The following NBPF15 variants were observed in gnomAD, a reference collection of about 807,000 sequenced individuals.
The protein encoded by NBPF15 is NBPF family member NBPF15.
In NBPF15, 74 loss-of-function variants were observed where a neutral mutation model predicts 62.2. The ratio of observed to expected loss-of-function variants is 1.19; its 90% CI spans 0.99 to 1.44. The LOEUF (loss-of-function observed/expected upper bound fraction) is 1.44, where lower values mean the gene tolerates loss of function less well. Among genes scored for constraint, NBPF15 ranks in the 40% most tolerant of loss-of-function variants. The pLI, the probability that NBPF15 is intolerant of heterozygous loss-of-function variation, is 0.00. For missense variants in NBPF15, 790 were observed against 550.0 expected (o/e 1.44, Z -4.36); for synonymous variants, 244 against 209.7 (o/e 1.16, Z -1.41).
In NBPF15 at chr1:144,461,429, A is replaced by G. The variant is rs1386835651; in HGVS notation, c.-986T>C. ...CCTTCACCTCGGAAACGCTGGGTGGACTTCGCTGTAAACCGTAACTTCCCA... is the reference window on the plus strand; with the variant it reads ...CCTTCACCTCGGAAACGCTGGGTGGGCTTCGCTGTAAACCGTAACTTCCCA... On this transcript the variant is annotated 5_prime_UTR_variant, in exon 1 of 22. Coordinates refer to ENST00000581897, the MANE Select transcript of NBPF15 (RefSeq NM_001385408.1). The G allele has an allele frequency of 6.6e-6, 1 of 152,028 alleles. No homozygotes were observed. Among genetic ancestry groups the G allele is most frequent in the Non-Finnish European group, 1.5e-5 (1 of 68,034 alleles). The allele number at this position is 152,028 out of a possible 1,614,324, so 9.4% of individuals were successfully genotyped here. A position where few individuals can be genotyped will look rare whatever the true frequency, so the allele number is the denominator to read the frequency against.
intron 13 of NBPF15, among the ~76,000 whole-genome samples, chr1:144,430,434 G>A (rs1345484984): frequency 6.7e-6 from 1 of 149,454 alleles, no homozygotes; most frequent in Non-Finnish European, 1.5e-5. Context: ...CTGTTTGAGG[G>A]TCTGGAGTGG....
chr1:144,459,693 C>A (rs2102925684), intron 2 of NBPF15, among the ~76,000 whole-genome samples: 1 of 151,838 alleles, frequency 6.6e-6, no homozygotes, highest in East Asian at 1.9e-4. Flanking sequence ...ACAGGCACTT[C>A]ACAAAAGAGG....
intron 13 of NBPF15, among the ~76,000 whole-genome samples, chr1:144,432,806 C>G (rs1433985900): frequency 1.3e-5 from 2 of 149,008 alleles, no homozygotes; most frequent in African/African-American, 5.2e-5. Context: ...ATTCATAAAG[C>G]AAGTCCTGAG....
chr1:144,435,167 G>A lies in NBPF15; in HGVS notation c.716C>T (p.Thr239Ile). 6.2e-7 allele frequency: 1 copy of A among 1,613,030 alleles called. No homozygotes were observed. Among genetic ancestry groups the A allele is most frequent in the East Asian group, 2.2e-5 (1 of 44,862 alleles). The change falls in exon 12 of 22, where the codon ACT becomes ATT. Residue 239 changes from threonine (T) to isoleucine (I), a missense_variant. Thr to Ile is a moderately conservative substitution (Grantham distance 89). Transcript: ENST00000581897. ...ITFEEDKVDS[T>I]LIGSSSHVEW... is the part of the protein sequence containing the mutation. The stretch of plus-strand genomic sequence containing the variant: ...AACATGAGAGGATGAGCCAATGAGA[G>A]TTGAGTCGACTTTGTCTTCCTCAAA...
At chr1:144,446,283 C>A (rs1156431587) in intron 6 of NBPF15, among the ~76,000 whole-genome samples, 1 of 147,406 alleles carries the variant, frequency 6.8e-6, no homozygotes, top group African/African-American at 2.7e-5. Flanking sequence ...TGAGAGCTTA[C>A]ATTCTGCAAC....
At chr1:144,425,059 GACAC>G (rs199782361) in intron 19 of NBPF15, among the ~76,000 whole-genome samples, 197 bp from the exon 20 acceptor site, 4,744 of 88,146 alleles carry the variant, frequency 0.054, 13 homozygotes, top group East Asian at 0.073. Context: ...AAGACAGATA[GACAC>G]ACACACACAC....
intron 4 of NBPF15, among the ~76,000 whole-genome samples, chr1:144,451,488 A>G (rs1553545511): frequency 6.6e-6 from 1 of 151,542 alleles, no homozygotes; most frequent in African/African-American, 2.4e-5. Flanking sequence ...TTCCCTTCCC[A>G]CGAGGCTGTA....
chr1:144,440,783 G>T (rs1359871526), intron 6 of NBPF15, among the ~76,000 whole-genome samples: 2 of 150,152 alleles, frequency 1.3e-5, no homozygotes, highest in African/African-American at 2.4e-5. Context: ...CTCCCAAGTA[G>T]TTGGGAATAC....
intron 12 of NBPF15, 29 bp downstream of exon 12, chr1:144,435,082 G>A (rs1553540790): frequency 1.6e-5 from 26 of 1,611,886 alleles, no homozygotes; most frequent in Non-Finnish European, 1.9e-5. Flanking sequence ...CTAGAGAGAG[G>A]TATGAGACAC....
intron 16 of NBPF15, among the ~76,000 whole-genome samples, chr1:144,427,465 G>A (rs1670572991): frequency 6.7e-6 from 1 of 150,186 alleles, no homozygotes; most frequent in Non-Finnish European, 1.5e-5. Context: ...GTTCATGGTA[G>A]CAAGGATTTT....
At chr1:144,441,276 T>C (rs1429427839) in intron 6 of NBPF15, among the ~76,000 whole-genome samples, 3 of 151,710 alleles carry the variant, frequency 2.0e-5, no homozygotes, top group South Asian at 2.1e-4. Flanking sequence ...ATTTGTATTG[T>C]TTTACATTTC....
intron 8 of NBPF15, among the ~76,000 whole-genome samples, chr1:144,439,268 C>A (rs1236723304): frequency 6.6e-6 from 1 of 151,888 alleles, no homozygotes; most frequent in East Asian, 1.9e-4. Flanking sequence ...AGGAGTGAGC[C>A]ACCATGCACG....
Position 144,422,768 on chromosome 1 carries a change from T to A in NBPF15, c.*245A>T, listed in dbSNP as rs1321083712. ...CAGAGATACGTGGTTCAAATTAAAATGTCTGACTGATCACTCCCGGCATGT... is the reference window on the plus strand; with the variant it reads ...CAGAGATACGTGGTTCAAATTAAAAAGTCTGACTGATCACTCCCGGCATGT... On this transcript the variant is annotated 3_prime_UTR_variant, in exon 22 of 22. Transcript: ENST00000581897. 7 of 907,730 alleles carry A rather than the reference T, an allele frequency of 7.7e-6. No individual in the cohort carries two copies. The African/African-American group carries it at 1.0e-4, about 13-fold the overall frequency. The allele number at this position is 907,730 out of a possible 1,614,324, so 56.2% of individuals were successfully genotyped here. A position where few individuals can be genotyped will look rare whatever the true frequency, so the allele number is the denominator to read the frequency against.
At chr1:144,426,481 C>T (rs1553539286) in intron 17 of NBPF15, 31 bp from the exon 18 acceptor site, 20 of 827,454 alleles carry the variant, frequency 2.4e-5, no homozygotes, top group South Asian at 2.4e-4. Flanking sequence ...AAAGAATAAG[C>T]CAGGGAGAAT....
chr1:144,461,090 C>CG (rs1652580862), intron 1 of NBPF15, 129 bp from the exon 2 acceptor site: 1 of 151,274 alleles, frequency 6.6e-6, no homozygotes, highest in South Asian at 2.1e-4. Flanking sequence ...GGGTGGGGTG[C>CG]GGGGTCAGGG....
chr1:144,426,989 G>A, intron 17 of NBPF15, 58 bp downstream of exon 17: 1 of 748,850 alleles, frequency 1.3e-6, no homozygotes, highest in Non-Finnish European at 2.4e-6. Context: ...GTTTTCCCTG[G>A]ACCTGGCATC....
In NBPF15 at chr1:144,442,423, T is replaced by A. The variant is rs1274332815; in HGVS notation, c.-190-2128A>T. On this transcript the variant is annotated intron_variant, in intron 6 of 21. Transcript: ENST00000581897. ...ATAACACGTGTGTATATATATTATA[T>A]ATATATATTTTTTTCTTTTTTAAGT... 4.9e-5 allele frequency among the ~76,000 whole-genome samples: 7 copies of A among 142,862 alleles called. No individual in the cohort carries two copies. The South Asian group carries it at 6.5e-4, about 13-fold the overall frequency. 93.7% of individuals were successfully genotyped at this position (142,862 alleles called of 152,430 possible). A position where few individuals can be genotyped will look rare whatever the true frequency, so the allele number is the denominator to read the frequency against.
chr1:144,428,070 A>G (rs1180921671), intron 15 of NBPF15, 80 bp from the exon 16 acceptor site: 34 of 779,540 alleles, frequency 4.4e-5, no homozygotes, highest in East Asian at 7.3e-5. Context: ...CATGGCTAAC[A>G]TAAGGAAGAG....
intron 6 of NBPF15, among the ~76,000 whole-genome samples, chr1:144,442,145 ATAATATAT>A (rs1390641067): frequency 1.8e-4 from 2 of 10,958 alleles, no homozygotes; most frequent in African/African-American, 3.8e-4. Context: ...ATATATATAT[ATAATATAT>A]ATACACGTGT....
Sources: allele counts gnomAD v4.1 joint callset (sites outside exome capture counted in the v4.1 genomes callset), GRCh38; gene constraint gnomAD v4.1.1; transcripts MANE v1.5; gene names NCBI Gene and HGNC (gene_info 2026-07-23, HGNC 2026-07-21).